The following RBMS1 variants were observed in gnomAD, a reference collection of about 807,000 sequenced individuals.
The protein encoded by RBMS1 is RNA binding motif single stranded interacting protein 1, also known as RNA-binding motif, single-stranded-interacting protein 1.
RBMS1 carries 17 observed loss-of-function variants against 62.3 expected under a neutral mutation model. That is an observed-to-expected ratio of 0.27 (90% CI 0.19 to 0.41). The LOEUF (loss-of-function observed/expected upper bound fraction) is 0.41, where lower values mean the gene tolerates loss of function less well. RBMS1 is among the 10% of genes least tolerant of loss of function. RBMS1 has a pLI of 1.00. For synonymous variants in RBMS1, 172 were observed against 170.0 expected (o/e 1.01, Z -0.09); for missense variants, 334 against 504.5 (o/e 0.66, Z 3.24).
At position 160,278,554 on chromosome 2, in the gene RBMS1, G is replaced by A. The variant is rs747517561; in HGVS notation, c.1056C>T (p.Thr352=). 1.2e-5 allele frequency: 20 copies of A among 1,611,374 alleles called. No individual in the cohort carries two copies. The highest frequency in any genetic ancestry group is 6.7e-5 in the East Asian group (3 of 44,870). The change falls in exon 11 of 14, where the codon ACC becomes ACT. Residue 352 remains threonine, a synonymous_variant. Coordinates refer to ENST00000348849, the MANE Select transcript of RBMS1 (RefSeq NM_016836.4). ...ATAATTATTTGCCACCTACTGTTCC[G>A]GTGCTGCCTAGTGACAGATGACTCA... ...QQMSHLSLGS[T]GTYMPATSAM...
intron 3 of RBMS1, among the ~76,000 whole-genome samples, chr2:160,314,848 GT>G (rs1313792101): frequency 6.6e-6 from 1 of 152,114 alleles, no homozygotes; most frequent in African/African-American, 2.4e-5. Context: ...TATCTTGGAT[GT>G]TTTTTTAGAC....
intron 9 of RBMS1, chr2:160,281,987 A>G: frequency 3.8e-6 from 1 of 261,238 alleles, no homozygotes; most frequent in Non-Finnish European, 7.7e-6. Flanking sequence ...GGGCATCCAC[A>G]CAGTAGACCC....
At chr2:160,337,587 T>C (rs1691647895) in intron 2 of RBMS1, among the ~76,000 whole-genome samples, 1 of 152,134 alleles carries the variant, frequency 6.6e-6, no homozygotes, top group Non-Finnish European at 1.5e-5. Context: ...GTGAAATGAA[T>C]TATAATATAT....
intron 2 of RBMS1, among the ~76,000 whole-genome samples, chr2:160,325,706 C>T (rs538896283): frequency 3.7e-4 from 57 of 152,142 alleles, no homozygotes; most frequent in African/African-American, 1.3e-3. Context: ...GAGAATGAGG[C>T]CTAAAAATAG....
At chr2:160,295,864 C>T (rs1371551135) in intron 6 of RBMS1, among the ~76,000 whole-genome samples, 1 of 152,218 alleles carries the variant, frequency 6.6e-6, no homozygotes, top group Non-Finnish European at 1.5e-5. Flanking sequence ...GACTGATACA[C>T]CATCAAAACA....
intron 1 of RBMS1, among the ~76,000 whole-genome samples, chr2:160,471,717 A>ATATATATATATATATATATATATATATAT (rs1422014155): frequency 1.1e-4 from 6 of 53,948 alleles, no homozygotes; most frequent in Non-Finnish European, 2.1e-4. Flanking sequence ...ATATATATAT[A>ATATATATATATATATATATATATATATAT]ACCTTTCATA....
chr2:160,309,578 G>A (rs1689734498), intron 4 of RBMS1, among the ~76,000 whole-genome samples: 1 of 152,168 alleles, frequency 6.6e-6, no homozygotes, highest in Admixed American at 6.5e-5. Flanking sequence ...AGCTGACCAT[G>A]TCAACCTGAG....
intron 1 of RBMS1, among the ~76,000 whole-genome samples, chr2:160,384,542 T>C (rs1458928775): frequency 6.6e-6 from 1 of 152,156 alleles, no homozygotes; most frequent in Non-Finnish European, 1.5e-5. Flanking sequence ...AGTACAGCAA[T>C]TAGGAATGAA....
chr2:160,482,142 A>G (rs1276764487), intron 1 of RBMS1, among the ~76,000 whole-genome samples: 2 of 152,248 alleles, frequency 1.3e-5, no homozygotes, highest in East Asian at 3.8e-4. Flanking sequence ...AAAAAGAACC[A>G]ACTGCACACA....
chr2:160,303,212 G>C (rs1224958511), intron 5 of RBMS1, 118 bp downstream of exon 5: 1 of 1,049,902 alleles, frequency 9.5e-7, no homozygotes, highest in Non-Finnish European at 1.3e-6. Flanking sequence ...TAAGTTCACA[G>C]TGCAACTGCT....
chr2:160,379,400 C>T (rs1322885157), intron 1 of RBMS1, among the ~76,000 whole-genome samples: 2 of 152,180 alleles, frequency 1.3e-5, no homozygotes, highest in African/African-American at 2.4e-5. Context: ...CTGCTAACAA[C>T]AGCCCTGAGA....
intron 2 of RBMS1, among the ~76,000 whole-genome samples, chr2:160,321,524 C>T (rs190670052): frequency 4.9e-4 from 74 of 152,116 alleles, no homozygotes; most frequent in Middle Eastern, 6.8e-3. Flanking sequence ...TTTGGTTTTT[C>T]TCTCTTCCTC....
chr2:160,489,507 GAAGT>G (rs938393122), intron 1 of RBMS1, among the ~76,000 whole-genome samples: 4 of 152,222 alleles, frequency 2.6e-5, no homozygotes, highest in African/African-American at 9.6e-5. Context: ...CATTTGGCTA[GAAGT>G]AAGTAAGAGT....
At chr2:160,437,697 CAT>C (rs1421750918) in intron 1 of RBMS1, among the ~76,000 whole-genome samples, 16 of 152,204 alleles carry the variant, frequency 1.1e-4, no homozygotes, top group Non-Finnish European at 1.8e-4. Context: ...GAATGTATAA[CAT>C]AGATGTTCAA....
At position 160,278,578 on chromosome 2, in the gene RBMS1, C is replaced by G; in HGVS notation, c.1032G>C (p.Met344Ile). Residue 344 changes from methionine to isoleucine, a missense_variant, in exon 11 of 14, where the codon ATG (methionine) becomes ATC (isoleucine). Physicochemically the swap from Met to Ile is conservative, Grantham distance 10. Coordinates refer to ENST00000348849, the MANE Select transcript of RBMS1 (RefSeq NM_016836.4). ...ASMISPLAQQ[M>I]SHLSLGSTGT... ...CGGTGCTGCCTAGTGACAGATGACT[C>G]ATCTGCTGGGCCAGAGGGCTGATCA... is the stretch of plus-strand genomic sequence containing the variant. 6.2e-7 allele frequency: 1 copy of G among 1,613,548 alleles called. No homozygotes were observed. Among genetic ancestry groups the G allele is most frequent in the Non-Finnish European group, 8.5e-7 (1 of 1,179,678 alleles).
chr2:160,404,917 T>C (rs565431786), intron 1 of RBMS1, among the ~76,000 whole-genome samples: 47 of 152,342 alleles, frequency 3.1e-4, no homozygotes, highest in Middle Eastern at 3.4e-3. Flanking sequence ...GAGCAGTACA[T>C]GTAGGCAGGC....
intron 1 of RBMS1, among the ~76,000 whole-genome samples, chr2:160,368,985 C>G (rs189202869): frequency 6.6e-6 from 1 of 152,302 alleles, no homozygotes; most frequent in African/African-American, 2.4e-5. Context: ...CTATATCCTT[C>G]AGATTCTTCC....
chr2:160,386,512 G>A (rs1214108493), intron 1 of RBMS1, among the ~76,000 whole-genome samples: 1 of 149,208 alleles, frequency 6.7e-6, no homozygotes, highest in Non-Finnish European at 1.5e-5. Context: ...TTGCACTCCA[G>A]CCTGGGAGAC....
At chr2:160,394,687 A>C (rs973963430) in intron 1 of RBMS1, among the ~76,000 whole-genome samples, 7 of 152,206 alleles carry the variant, frequency 4.6e-5, no homozygotes, top group Non-Finnish European at 1.0e-4. Context: ...CTAAAGGCCT[A>C]CTCTGTTCAG....
Sources: gnomAD v4.1 joint callset for allele counts (sites outside exome capture counted in the v4.1 genomes callset) on GRCh38, gnomAD v4.1.1 for gene constraint, MANE v1.5 for transcripts, NCBI Gene and HGNC (gene_info 2026-07-23, HGNC 2026-07-21) for gene names.